The following TRIM66 variants were observed in gnomAD, a reference collection of about 807,000 sequenced individuals.
The protein encoded by TRIM66 is tripartite motif containing 66.
Under a neutral mutation model 148.2 loss-of-function variants are expected in TRIM66, and 99 were observed. The ratio of observed to expected loss-of-function variants is 0.67; its 90% CI spans 0.57 to 0.79. TRIM66 has a LOEUF of 0.79. Among genes scored for constraint, TRIM66 ranks in the 30% least tolerant of loss-of-function variants. The pLI is 0.00. For synonymous variants in TRIM66, 616 were observed against 635.9 expected (o/e 0.97, Z 0.47); for missense variants, 1,666 against 1,697.9 (o/e 0.98, Z 0.33).
rs1165289826 is a variant in TRIM66 at position 8,641,050 on chromosome 11, A to C, written c.1325T>G (p.Val442Gly). The C allele has an allele frequency of 6.4e-7, 1 of 1,551,586 alleles. No homozygotes were observed. Among genetic ancestry groups the C allele is most frequent in the Non-Finnish European group, 8.7e-7 (1 of 1,147,012 alleles). ...GTGGCTAAGAGCCTCTTGCTGAGCC[A>C]CTGGAGACTGGTGGCTTTGATAAAA... ...SPFYQSHQSP[V>G]AQQEALSHPS... is the part of the protein sequence containing the mutation. Residue 442 changes from valine (V) to glycine (G), a missense_variant, in exon 14 of 25, where the codon GTG becomes GGG. By Grantham distance (109) the Val-to-Gly change is moderately radical (BLOSUM62 -3). Coordinates refer to ENST00000646038, the MANE Select transcript of TRIM66 (RefSeq NM_001388022.1).
chr11:8,649,698 C>T (rs2037183462), intron 8 of TRIM66, 42 bp downstream of exon 8: 4 of 1,541,158 alleles, frequency 2.6e-6, no homozygotes, highest in African/African-American at 1.5e-5. Flanking sequence ...TTCAGCCCTG[C>T]TTTAGGGCAT....
At chr11:8,679,835 T>C (rs1045721794) in intron 2 of TRIM66, 21 bp from the exon 3 acceptor site, 1 of 152,542 alleles carries the variant, frequency 6.6e-6, no homozygotes, top group Non-Finnish European at 1.5e-5. Flanking sequence ...AGAGAGGGAC[T>C]GGTCACTGAG....
chr11:8,613,242 T>C lies in TRIM66; in HGVS notation c.*4702A>G, dbSNP rs188994966. 1 of 152,210 alleles carries C rather than the reference T, an allele frequency of 6.6e-6. No individual in the cohort carries two copies. Among genetic ancestry groups the C allele is most frequent in the East Asian group, 1.9e-4 (1 of 5,170 alleles). 9.4% of individuals were successfully genotyped at this position (152,210 alleles called of 1,614,324 possible). On this transcript the variant is annotated 3_prime_UTR_variant, in exon 25 of 25. Transcript: ENST00000646038. ...GGTTTCAAGGACAGCTCAGCCTGTG[T>C]GGGCTGAGAGGTAAGAGGAGAGAAT...
chr11:8,627,106 A>G (rs1217334090), intron 15 of TRIM66, among the ~76,000 whole-genome samples: 1 of 152,116 alleles, frequency 6.6e-6, no homozygotes, highest in Non-Finnish European at 1.5e-5. Flanking sequence ...TCATACCACA[A>G]TCCGTGATAT....
Position 8,619,401 on chromosome 11 carries a change from G to A in TRIM66, c.3882C>T (p.Asn1294=), listed in dbSNP as rs1319561233. Residue 1294 remains asparagine, a synonymous_variant, in exon 23 of 25, where the codon AAC becomes AAT. Transcript: ENST00000646038. ...GACATACATAATTGAACTTAGCACA[G>A]TTCCAGAACATGAGGCGCACATCTG... ...VVSDVRLMFW[N]CAKFNYPDSE... is the part of the protein sequence containing the mutation. The A allele has an allele frequency of 7.9e-6, 12 of 1,523,772 alleles. No individual in the cohort carries two copies. In the South Asian group the frequency reaches 1.0e-4, roughly 13 times the overall value. The allele number at this position is 1,523,772 out of a possible 1,614,324, so 94.4% of individuals were successfully genotyped here.
rs558832532 is a variant in TRIM66 at position 8,639,027 on chromosome 11, A to C, written c.2149-212T>G. ...TGGGAATGTCTTAGGATGAAACCCA[A>C]ACCAAGAATTCTGAGCTAATTTTGT... On this transcript the variant is annotated intron_variant, in intron 14 of 24. Transcript: ENST00000646038. 1.5e-3 allele frequency among the ~76,000 whole-genome samples: 222 copies of C among 152,322 alleles called. 1 individual carries two copies. Among genetic ancestry groups the C allele is most frequent in the African/African-American group, 5.2e-3 (216 of 41,570 alleles).
chr11:8,643,593 C>T (rs1160575653), intron 12 of TRIM66, among the ~76,000 whole-genome samples: 1 of 152,098 alleles, frequency 6.6e-6, no homozygotes, highest in Non-Finnish European at 1.5e-5. Context: ...CTGCCCACCT[C>T]GGCCTCCCAA....
chr11:8,648,212 A>G (rs892552979), intron 9 of TRIM66, 126 bp from the exon 10 acceptor site: 3 of 1,159,852 alleles, frequency 2.6e-6, no homozygotes, highest in Admixed American at 2.1e-5. Context: ...ACTTCTAGGG[A>G]AAGTCTAAGG....
At chr11:8,628,537 C>T (rs968101253) in intron 15 of TRIM66, among the ~76,000 whole-genome samples, 5 of 146,080 alleles carry the variant, frequency 3.4e-5, no homozygotes, top group Non-Finnish European at 6.0e-5. Context: ...TGCTTGAGCC[C>T]GGAAGGTTGA....
At chr11:8,647,829 T>C (rs907740687) in intron 10 of TRIM66, 141 bp downstream of exon 10, 4 of 698,880 alleles carry the variant, frequency 5.7e-6, no homozygotes, top group African/African-American at 1.8e-5. Context: ...GGCCAAGACA[T>C]ATGCCTTCTA....
At chr11:8,649,618 T>A in intron 8 of TRIM66, 122 bp downstream of exon 8, 1 of 1,339,486 alleles carries the variant, frequency 7.5e-7, no homozygotes, top group African/African-American at 1.5e-5. Context: ...GGAAAGGCTC[T>A]GAGACTGTCC....
chr11:8,634,250 C>T (rs2035674659), intron 15 of TRIM66, among the ~76,000 whole-genome samples: 1 of 152,228 alleles, frequency 6.6e-6, no homozygotes, highest in African/African-American at 2.4e-5. Flanking sequence ...ACTACAACTT[C>T]CGCCTCCCAG....
intron 4 of TRIM66, among the ~76,000 whole-genome samples, chr11:8,673,337 TA>T (rs1010986113): frequency 1.3e-5 from 2 of 152,198 alleles, no homozygotes; most frequent in Non-Finnish European, 2.9e-5. Flanking sequence ...AATAAAGTTT[TA>T]AAAAGTATAG....
At chr11:8,644,469 T>C (rs1385665316) in intron 12 of TRIM66, 2 of 451,700 alleles carry the variant, frequency 4.4e-6, no homozygotes, top group Non-Finnish European at 8.9e-6. Context: ...AAAGGATAAA[T>C]TACCCCAACT....
intron 6 of TRIM66, among the ~76,000 whole-genome samples, chr11:8,657,616 A>G (rs2037940467): frequency 6.6e-6 from 1 of 152,120 alleles, no homozygotes; most frequent in Non-Finnish European, 1.5e-5. Context: ...GCAACGAGAA[A>G]AAACACTCTA....
intron 6 of TRIM66, among the ~76,000 whole-genome samples, chr11:8,668,890 G>A (rs1056420763): frequency 6.6e-6 from 1 of 152,086 alleles, no homozygotes; most frequent in African/African-American, 2.4e-5. Context: ...CCAGTCCCAA[G>A]ATGGCATATT....
rs563070647 is a variant in TRIM66 at position 8,677,531 on chromosome 11, T to G, written c.-190+2089A>C. On this transcript the variant is annotated intron_variant, in intron 3 of 24. Transcript: ENST00000646038. Reference sequence around the variant, plus strand: ...GTGATGGTCATGCCTGTAATCCCAGTGCTTTGGGAGGGCGAGGTAGGAGGG... The same window carrying G: ...GTGATGGTCATGCCTGTAATCCCAGGGCTTTGGGAGGGCGAGGTAGGAGGG... Among the ~76,000 whole-genome samples, 5 of 152,132 alleles carry G rather than the reference T, an allele frequency of 3.3e-5. 1 individual carries two copies. The highest frequency in any genetic ancestry group is 6.5e-5 in the Admixed American group (1 of 15,272).
chr11:8,657,432 A>C lies in TRIM66; in HGVS notation c.341-5529T>G, dbSNP rs977618433. Among the ~76,000 whole-genome samples, 6 of 152,280 alleles carry C rather than the reference A, an allele frequency of 3.9e-5. No homozygotes were observed. The East Asian group carries it at 1.2e-3, about 29-fold the overall frequency. ...ACAGAGCTTCACTGTTCATCCAGCC[A>C]ATTCCCCACCACACAGATGATGACA... On this transcript the variant is annotated intron_variant, in intron 6 of 24. Coordinates refer to ENST00000646038, the MANE Select transcript of TRIM66 (RefSeq NM_001388022.1).
chr11:8,682,680 C>T (rs2039501790), upstream of TRIM66: 6 of 1,006,524 alleles, frequency 6.0e-6, no homozygotes, highest in South Asian at 7.7e-5. Context: ...AGCAGGCGCG[C>T]AATCCCGCGA....
Sources: allele counts gnomAD v4.1 joint callset (sites outside exome capture counted in the v4.1 genomes callset), GRCh38; gene constraint gnomAD v4.1.1; transcripts MANE v1.5; gene names NCBI Gene and HGNC (gene_info 2026-07-23, HGNC 2026-07-21).